The following FREM1 variants were observed in gnomAD, a reference collection of about 807,000 sequenced individuals.
FREM1 encodes FRAS1-related extracellular matrix protein 1.
A neutral mutation model predicts 210.1 loss-of-function variants in FREM1; 220 were observed. That is an observed-to-expected ratio of 1.05 (90% confidence interval 0.94 to 1.17). The LOEUF (loss-of-function observed/expected upper bound fraction) is 1.17. Among genes scored for constraint, FREM1 ranks in the 50% most tolerant of loss-of-function variants. FREM1 has a pLI of 0.00. For synonymous variants in FREM1, 1,189 were observed against 980.2 expected, an observed-to-expected ratio of 1.21 and a Z score of -3.98; for missense variants, 3,454 against 2,675.5, an observed-to-expected ratio of 1.29 and a Z score of -6.42.
chr9:14,760,751 C>T (rs952438925), intron 27 of FREM1, among the ~76,000 whole-genome samples: 1 of 152,176 alleles, frequency 6.6e-6, no homozygotes, highest in Non-Finnish European at 1.5e-5. Flanking sequence ...CCAACCTCTA[C>T]CATTTCTCTC....
intron 1 of FREM1, among the ~76,000 whole-genome samples, chr9:14,870,891 G>A (rs1464177354): frequency 6.8e-6 from 1 of 148,140 alleles, no homozygotes; most frequent in Non-Finnish European, 1.5e-5. Context: ...ACCTATGAGT[G>A]AGAATATGCG....
intron 16 of FREM1, among the ~76,000 whole-genome samples, chr9:14,811,470 G>C (rs1463028201): frequency 6.6e-6 from 1 of 152,124 alleles, no homozygotes. Flanking sequence ...GTCTATTTCA[G>C]ATCCACTGGG....
chr9:14,752,000 C>T (rs1424619648), intron 29 of FREM1: 1 of 149,690 alleles, frequency 6.7e-6, no homozygotes, highest in African/African-American at 2.5e-5. Flanking sequence ...GTTGAAGCAT[C>T]TAGTATGTAT....
chr9:14,857,213 T>C (rs547890418), intron 5 of FREM1, among the ~76,000 whole-genome samples: 50 of 151,992 alleles, frequency 3.3e-4, no homozygotes, highest in African/African-American at 1.2e-3. Context: ...AAAGGAAGCA[T>C]CAAAGAGAAG....
intron 15 of FREM1, among the ~76,000 whole-genome samples, chr9:14,816,293 G>A (rs1011600386): frequency 5.9e-5 from 9 of 152,118 alleles, no homozygotes; most frequent in African/African-American, 2.2e-4. Flanking sequence ...TTACAACTTT[G>A]GTTTCTATTG....
intron 3 of FREM1, among the ~76,000 whole-genome samples, chr9:14,862,078 T>C (rs1367275504): frequency 5.3e-5 from 8 of 152,260 alleles, no homozygotes; most frequent in South Asian, 2.1e-4. Flanking sequence ...GCTGATTTCA[T>C]ATCTTCCTAA....
rs1051020702 is a variant in FREM1 at position 14,753,373 on chromosome 9, T to G, written c.5407+3001A>C. On this transcript the variant is annotated intron_variant, in intron 29 of 36. Coordinates refer to ENST00000380880, the MANE Select transcript of FREM1 (RefSeq NM_001379081.2). ...TTTGACTCTAAGGAATGATGATCAATTAAGAATGCTGCAAGCCTTTCAATA... is the reference window on the plus strand; with the variant it reads ...TTTGACTCTAAGGAATGATGATCAAGTAAGAATGCTGCAAGCCTTTCAATA... Among the ~76,000 whole-genome samples, 2 of 152,248 alleles carry G rather than the reference T, an allele frequency of 1.3e-5. 1 individual carries two copies. The highest frequency in any genetic ancestry group is 1.3e-4 in the Admixed American group (2 of 15,290).
At chr9:14,744,023 C>A (rs1046843487) in intron 35 of FREM1, among the ~76,000 whole-genome samples, 1 of 151,914 alleles carries the variant, frequency 6.6e-6, no homozygotes, top group Non-Finnish European at 1.5e-5. Flanking sequence ...ACATGTAGCA[C>A]TAAGGAAATA....
intron 22 of FREM1, among the ~76,000 whole-genome samples, chr9:14,792,272 G>GCACACACACACACACGCACACACA (rs1851518800): frequency 7.7e-5 from 11 of 142,244 alleles, no homozygotes; most frequent in African/African-American, 2.9e-4. Flanking sequence ...ACACACACAC[G>GCACACACACACACACGCACACACA]CACACACACA....
chr9:14,740,472 G>T (rs764741913), intron 35 of FREM1, among the ~76,000 whole-genome samples: 8 of 152,086 alleles, frequency 5.3e-5, no homozygotes, highest in Non-Finnish European at 8.8e-5. Context: ...AAAAAACATC[G>T]ATAGGTTTTC....
At chr9:14,808,983 T>C (rs1818887453) in intron 16 of FREM1, among the ~76,000 whole-genome samples, 1 of 152,070 alleles carries the variant, frequency 6.6e-6, no homozygotes, top group South Asian at 2.1e-4. Flanking sequence ...AGTGATACGG[T>C]TTGGTTGTTC....
intron 1 of FREM1, among the ~76,000 whole-genome samples, chr9:14,872,559 A>C (rs966819087): frequency 1.3e-5 from 2 of 152,142 alleles, no homozygotes; most frequent in African/African-American, 4.8e-5. Context: ...CAGCTTAAGG[A>C]GATTTTGGAC....
rs778876365 is a variant in FREM1 at position 14,851,556 on chromosome 9, T to C, written c.880A>G (p.Ile294Val). ...ACGGCCATGAATGCAGCCTTTGGAA[T>C]CTGATTCGGAATTCCAGCTCTGATA... ...VYIRAGIPNQ[I>V]PKAAFMAVFI... Residue 294 changes from isoleucine (I) to valine (V), a missense_variant, in exon 6 of 37, where the codon ATT becomes GTT. Ile to Val is a conservative substitution (Grantham distance 29, BLOSUM62 3). Coordinates refer to ENST00000380880, the MANE Select transcript of FREM1 (RefSeq NM_001379081.2). 1 of 1,614,008 alleles carries C rather than the reference T, an allele frequency of 6.2e-7. No individual in the cohort carries two copies. The highest frequency in any genetic ancestry group is 1.1e-5 in the South Asian group (1 of 91,080).
Position 14,812,952 on chromosome 9 carries a change from T to C in FREM1, c.2753A>G (p.Asp918Gly). 1 of 1,613,862 alleles carries C rather than the reference T, an allele frequency of 6.2e-7. No individual in the cohort carries two copies. Among genetic ancestry groups the C allele is most frequent in the Non-Finnish European group, 8.5e-7 (1 of 1,179,846 alleles). Residue 918 changes from aspartate (D) to glycine (G), a missense_variant, in exon 16 of 37, where the codon GAT becomes GGT. Coordinates refer to ENST00000380880, the MANE Select transcript of FREM1 (RefSeq NM_001379081.2). ...CAACTTCAAGTTATCGCTGTCCACA[T>C]CAGTAGCAAAAATGTATTCAGAGGT... ...VITSEYIFAT[D>G]VDSDNLKLMF...
chr9:14,871,556 C>T (rs571485602), intron 1 of FREM1, among the ~76,000 whole-genome samples: 1 of 152,170 alleles, frequency 6.6e-6, no homozygotes, highest in African/African-American at 2.4e-5. Flanking sequence ...TGGATATTAG[C>T]CTTTGTCAAA....
chr9:14,819,629 T>C (rs945474086), intron 13 of FREM1, among the ~76,000 whole-genome samples, 187 bp from the exon 14 acceptor site: 4 of 152,244 alleles, frequency 2.6e-5, no homozygotes, highest in Non-Finnish European at 5.9e-5. Flanking sequence ...CTATTTCTAA[T>C]TCTAAGCATT....
chr9:14,904,396 G>A (rs547293242), intron 1 of FREM1, among the ~76,000 whole-genome samples: 2 of 152,272 alleles, frequency 1.3e-5, no homozygotes, highest in Admixed American at 1.3e-4. Context: ...ACACAATCAA[G>A]ATCCACAGCT....
In FREM1 at chr9:14,860,580, T is replaced by TAC. The variant is rs1188000826; in HGVS notation, c.330-1098_330-1097dup. 4.3e-5 allele frequency among the ~76,000 whole-genome samples: 6 copies of TAC among 138,510 alleles called. No individual in the cohort carries two copies. The South Asian group carries it at 1.1e-3, about 25-fold the overall frequency. The allele number at this position is 138,510 out of a possible 152,430, so 90.9% of individuals were successfully genotyped here. On this transcript the variant is annotated intron_variant, in intron 3 of 36. Coordinates refer to ENST00000380880, the MANE Select transcript of FREM1 (RefSeq NM_001379081.2). ...ACACACATATATATACACATATATA[T>TAC]ACACATATATATACATATATACACA...
At chr9:14,761,648 C>G (rs577080034) in intron 27 of FREM1, among the ~76,000 whole-genome samples, 29 of 152,270 alleles carry the variant, frequency 1.9e-4, no homozygotes, top group African/African-American at 7.0e-4. Context: ...ACAAATAATT[C>G]ATAACTTTTA....
Sources: gnomAD v4.1 joint callset for allele counts (sites outside exome capture counted in the v4.1 genomes callset) on GRCh38, gnomAD v4.1.1 for gene constraint, MANE v1.5 for transcripts, NCBI Gene and HGNC (gene_info 2026-07-23, HGNC 2026-07-21) for gene names.